TRAPPC9: variants seen among roughly 807,000 people sequenced by gnomAD.
TRAPPC9 encodes the protein IKK2 binding protein.
A neutral mutation model predicts 124.0 loss-of-function variants in TRAPPC9; 83 were observed. The ratio of observed to expected loss-of-function variants is 0.67; its 90% CI spans 0.56 to 0.80. The LOEUF is 0.80. TRAPPC9 is among the 30% of genes least tolerant of loss of function. The pLI is 0.00. For missense variants in TRAPPC9, 1,302 were observed against 1,508.3 expected, an observed-to-expected ratio of 0.86 and a Z score of 2.27; for synonymous variants, 638 against 617.5, an observed-to-expected ratio of 1.03 and a Z score of -0.49.
chr8:140,374,295 C>T (rs560075482), intron 7 of TRAPPC9, among the ~76,000 whole-genome samples: 8 of 152,316 alleles, frequency 5.3e-5, no homozygotes, highest in East Asian at 1.9e-4. Flanking sequence ...GTTGGCCGGG[C>T]GCAGTGGCGC....
At chr8:139,951,640 A>G (rs1239938383) in intron 19 of TRAPPC9, among the ~76,000 whole-genome samples, 1 of 152,232 alleles carries the variant, frequency 6.6e-6, no homozygotes, top group African/African-American at 2.4e-5. Context: ...CTCAAGCTGC[A>G]GAGTTAGAGG....
At position 140,353,317 on chromosome 8, in the gene TRAPPC9, C is replaced by A. The variant is rs1326255968; in HGVS notation, c.1495+6733G>T. On this transcript the variant is annotated intron_variant, in intron 9 of 22. Coordinates refer to ENST00000438773, the MANE Select transcript of TRAPPC9 (RefSeq NM_001160372.4). The surrounding 1 kb of genome is among the most constrained non-coding windows in gnomAD (Gnocchi z 4.2). ...ACTGGCCCCCTCCCATCTCATGGGA[C>A]CCCCCCCTTTCGTCACTCCTCAGTC... 1.3e-5 allele frequency among the ~76,000 whole-genome samples: 2 copies of A among 151,172 alleles called. No individual in the cohort carries two copies. Among genetic ancestry groups the A allele is most frequent in the East Asian group, 3.9e-4 (2 of 5,154 alleles).
intron 17 of TRAPPC9, among the ~76,000 whole-genome samples, chr8:140,153,505 T>C (rs963197198): frequency 6.6e-6 from 1 of 152,118 alleles, no homozygotes; most frequent in Non-Finnish European, 1.5e-5. Context: ...ACAATTACCA[T>C]ACTATATTCT....
chr8:139,816,972 T>C (rs888664652), intron 21 of TRAPPC9, among the ~76,000 whole-genome samples: 1 of 151,950 alleles, frequency 6.6e-6, no homozygotes, highest in East Asian at 1.9e-4. Context: ...TTTAAGTGTA[T>C]ATTATCTTGC....
intron 13 of TRAPPC9, 143 bp downstream of exon 13, chr8:140,287,465 A>G: frequency 8.4e-7 from 1 of 1,197,014 alleles, no homozygotes; most frequent in South Asian, 1.3e-5. Flanking sequence ...GGTTTTTTTC[A>G]TGCTTCCCAA....
intron 16 of TRAPPC9, among the ~76,000 whole-genome samples, chr8:140,238,819 C>T (rs1291163058): frequency 6.6e-6 from 1 of 152,176 alleles, no homozygotes; most frequent in African/African-American, 2.4e-5. Flanking sequence ...AGAGCTGGGG[C>T]CACGGGGAAA....
intron 16 of TRAPPC9, among the ~76,000 whole-genome samples, chr8:140,238,909 C>T (rs1011143471): frequency 1.3e-5 from 2 of 152,212 alleles, no homozygotes; most frequent in Non-Finnish European, 2.9e-5. Flanking sequence ...CCAGCAAACA[C>T]CAGGCAAAGC....
chr8:139,821,926 A>G (rs1179538898), intron 21 of TRAPPC9, among the ~76,000 whole-genome samples: 1 of 152,226 alleles, frequency 6.6e-6, no homozygotes, highest in Non-Finnish European at 1.5e-5. Context: ...ATGCTCGGCT[A>G]TTGGCTGGGC....
chr8:139,837,953 C>T (rs1031659355), intron 21 of TRAPPC9, among the ~76,000 whole-genome samples: 2 of 152,192 alleles, frequency 1.3e-5, no homozygotes, highest in African/African-American at 4.8e-5. Flanking sequence ...CATGTTGTCC[C>T]CTCTTCTGGC....
chr8:140,304,291 C>T (rs897765705), intron 10 of TRAPPC9, among the ~76,000 whole-genome samples: 1 of 152,130 alleles, frequency 6.6e-6, no homozygotes, highest in Non-Finnish European at 1.5e-5. Context: ...GACGGAGTTT[C>T]GCCATGTTGG....
intron 21 of TRAPPC9, among the ~76,000 whole-genome samples, chr8:139,801,089 C>T (rs909665690): frequency 4.0e-5 from 6 of 151,698 alleles, no homozygotes; most frequent in African/African-American, 1.2e-4. Flanking sequence ...CCTCCAGTAT[C>T]TTCCCTCCCT....
intron 17 of TRAPPC9, among the ~76,000 whole-genome samples, chr8:140,122,882 A>T (rs2061013568): frequency 6.6e-6 from 1 of 152,250 alleles, no homozygotes; most frequent in Admixed American, 6.5e-5. Flanking sequence ...GGCTGGGGTC[A>T]GAAACATGGG....
intron 17 of TRAPPC9, among the ~76,000 whole-genome samples, chr8:140,145,340 T>C (rs2061445831): frequency 6.6e-6 from 1 of 151,796 alleles, no homozygotes; most frequent in Admixed American, 6.6e-5. Context: ...GCAGAAGCAT[T>C]GATGGCAGAC....
At chr8:139,897,161 T>C (rs968308000) in intron 20 of TRAPPC9, among the ~76,000 whole-genome samples, 3 of 152,170 alleles carry the variant, frequency 2.0e-5, no homozygotes, top group Non-Finnish European at 4.4e-5. Flanking sequence ...GAAACACAAA[T>C]TCCTCTCACA....
intron 14 of TRAPPC9, among the ~76,000 whole-genome samples, chr8:140,279,939 C>T (rs980863530): frequency 1.3e-5 from 2 of 152,234 alleles, no homozygotes; most frequent in African/African-American, 4.8e-5. Context: ...GTTTCTTCGC[C>T]TTAAGCCACC....
At chr8:139,783,617 C>G (rs1161317497) in intron 21 of TRAPPC9, among the ~76,000 whole-genome samples, 1 of 152,306 alleles carries the variant, frequency 6.6e-6, no homozygotes, top group Admixed American at 6.5e-5. Context: ...CAAACTCTTC[C>G]AGAAAATCAG....
chr8:140,157,938 T>C (rs1405332209), intron 17 of TRAPPC9, among the ~76,000 whole-genome samples: 2 of 152,232 alleles, frequency 1.3e-5, no homozygotes, highest in Non-Finnish European at 2.9e-5. Flanking sequence ...TTTTATTTCT[T>C]AAGTCATAGG....
rs1011815381 is a variant in TRAPPC9, at chr8:140,104,513, C to T, written c.2557-80434G>A. On this transcript the variant is annotated intron_variant, in intron 17 of 22. Coordinates refer to ENST00000438773, the MANE Select transcript of TRAPPC9 (RefSeq NM_001160372.4). The surrounding 1 kb of genome is among the most constrained non-coding windows in gnomAD (Gnocchi z 4.0). ...ATAATATGCAAGTAGTATGATGGCA[C>T]GATGGGGGGAGCTGTGAACTAGCTA... Among the ~76,000 whole-genome samples the T allele has an allele frequency of 6.6e-6, 1 of 152,028 alleles. No individual in the cohort carries two copies. Among genetic ancestry groups the T allele is most frequent in the Admixed American group, 6.5e-5 (1 of 15,272 alleles).
At chr8:139,928,599 C>G (rs73368190) in intron 19 of TRAPPC9, among the ~76,000 whole-genome samples, 1 of 151,684 alleles carries the variant, frequency 6.6e-6, no homozygotes, top group Non-Finnish European at 1.5e-5. Flanking sequence ...ATGGAAAAGC[C>G]CACAGCATCG....
Sources: gnomAD v4.1 joint callset for allele counts (sites outside exome capture counted in the v4.1 genomes callset) on GRCh38, gnomAD v4.1.1 for gene constraint, Gnocchi (gnomAD v3.1) non-coding constraint, MANE v1.5 for transcripts, NCBI Gene and HGNC (gene_info 2026-07-23, HGNC 2026-07-21) for gene names.